Variants in CDCA7L observed in about 807,000 individuals in gnomAD.
CDCA7L encodes cell division cycle-associated 7-like protein.
Under a neutral mutation model 57.4 loss-of-function variants are expected in CDCA7L, and 44 were observed. The observed-to-expected ratio is 0.77, with a 90% CI of 0.60 to 0.98. CDCA7L has a LOEUF of 0.98. Among genes scored for constraint, CDCA7L ranks in the 50% least tolerant of loss-of-function variants. The pLI, the probability that CDCA7L is intolerant of heterozygous loss-of-function variation, is 0.00. For missense variants in CDCA7L, 644 were observed against 580.6 expected (o/e 1.11, Z -1.12); for synonymous variants, 236 against 202.8 (o/e 1.16, Z -1.39).
chr7:21,913,553 A>G (rs1350965207), intron 2 of CDCA7L, among the ~76,000 whole-genome samples: 1 of 152,206 alleles, frequency 6.6e-6, no homozygotes, highest in East Asian at 1.9e-4. Context: ...AAGGAAACCC[A>G]CCATGCACCT....
chr7:21,925,953 T>A (rs1040837812), intron 1 of CDCA7L, among the ~76,000 whole-genome samples: 3 of 151,822 alleles, frequency 2.0e-5, no homozygotes, highest in Non-Finnish European at 2.9e-5. Flanking sequence ...ATAATGGGAG[T>A]GACAGCCAGA....
chr7:21,932,421 C>G (rs555568942), intron 1 of CDCA7L, among the ~76,000 whole-genome samples: 1 of 152,272 alleles, frequency 6.6e-6, no homozygotes, highest in African/African-American at 2.4e-5. Flanking sequence ...GCTACAGTAA[C>G]CAAAACAGCA....
At chr7:21,925,153 TA>T (rs1193309669) in intron 1 of CDCA7L, among the ~76,000 whole-genome samples, 2 of 152,084 alleles carry the variant, frequency 1.3e-5, no homozygotes, top group Non-Finnish European at 2.9e-5. Flanking sequence ...GACAAATTAT[TA>T]AAATTGCTAA....
chr7:21,945,361 T>TAA (rs59715589), intron 1 of CDCA7L, among the ~76,000 whole-genome samples: 7,619 of 147,616 alleles, frequency 0.052, 683 homozygotes, highest in African/African-American at 0.17. Flanking sequence ...GATCGACTGT[T>TAA]AAAAAAAAAA....
rs1394295160 is a variant in CDCA7L at position 21,901,140 on chromosome 7, T to C, written c.*1182A>G. ...AAACCAAACAGACCTACGAGTGCCC[T>C]GTGTATAGAACCAAACTGAGAGGCC... On this transcript the variant is annotated 3_prime_UTR_variant, in exon 10 of 10. Transcript: ENST00000406877. The C allele has an allele frequency of 4.3e-6, 7 of 1,613,220 alleles. No individual in the cohort carries two copies. Among genetic ancestry groups the C allele is most frequent in the Non-Finnish European group, 5.1e-6 (6 of 1,179,352 alleles).
At chr7:21,941,085 T>C (rs953384947) in intron 1 of CDCA7L, among the ~76,000 whole-genome samples, 1 of 152,126 alleles carries the variant, frequency 6.6e-6, no homozygotes, top group Non-Finnish European at 1.5e-5. Flanking sequence ...CCATTGAAAA[T>C]CAGGCACATT....
chr7:21,945,040 G>T (rs1206529211), intron 1 of CDCA7L, among the ~76,000 whole-genome samples: 1 of 152,144 alleles, frequency 6.6e-6, no homozygotes, highest in African/African-American at 2.4e-5. Flanking sequence ...ATAACGTAGA[G>T]AAAAGCTCTT....
At chr7:21,937,227 C>T (rs1786198174) in intron 1 of CDCA7L, among the ~76,000 whole-genome samples, 1 of 152,184 alleles carries the variant, frequency 6.6e-6, no homozygotes. Context: ...AAGCTATGTA[C>T]AGACTCAATG....
intron 4 of CDCA7L, 21 bp downstream of exon 4, chr7:21,908,109 A>T: frequency 6.7e-7 from 1 of 1,499,654 alleles, no homozygotes. Context: ...AACTCCCAGG[A>T]CGCCCTCCGT....
At chr7:21,933,760 C>T (rs149195497) in intron 1 of CDCA7L, among the ~76,000 whole-genome samples, 2,288 of 151,830 alleles carry the variant, frequency 0.015, 65 homozygotes, top group African/African-American at 0.052. Flanking sequence ...ATGTAACAAA[C>T]CTGCACGTTC....
intron 1 of CDCA7L, among the ~76,000 whole-genome samples, chr7:21,922,501 T>C (rs947104523): frequency 3.3e-5 from 5 of 152,180 alleles, no homozygotes; most frequent in African/African-American, 1.2e-4. Flanking sequence ...AATCTGAGTG[T>C]TGGTAAGAAA....
chr7:21,919,788 C>T (rs928192193), intron 1 of CDCA7L, among the ~76,000 whole-genome samples: 3 of 152,218 alleles, frequency 2.0e-5, no homozygotes, highest in Middle Eastern at 3.4e-3. Context: ...GCCAAACTGA[C>T]GCCACCAATA....
intron 1 of CDCA7L, among the ~76,000 whole-genome samples, chr7:21,922,714 C>G (rs1182089749): frequency 6.6e-6 from 1 of 152,124 alleles, no homozygotes; most frequent in Non-Finnish European, 1.5e-5. Flanking sequence ...ATATCCTTTC[C>G]CTTATTCATG....
intron 1 of CDCA7L, among the ~76,000 whole-genome samples, chr7:21,933,152 C>T (rs1260982471): frequency 3.9e-5 from 6 of 152,036 alleles, no homozygotes; most frequent in Non-Finnish European, 8.8e-5. Flanking sequence ...CAGGAAACAA[C>T]AGATGCTGGA....
In CDCA7L at chr7:21,905,517, C is replaced by T; in HGVS notation, c.1036G>A (p.Asp346Asn). The change falls in exon 7 of 10, where the codon GAT becomes AAT. Residue 346 changes from aspartate to asparagine, a missense_variant. Coordinates refer to ENST00000406877, the MANE Select transcript of CDCA7L (RefSeq NM_018719.5). Reference protein sequence around the residue: ...VAITVRDKIYDKVLGNTCHQC... With the variant: ...VAITVRDKIYNKVLGNTCHQC... ...AATGTATACTTTACCAGAACTTTAT[C>T]ATAGATTTTATCTCGAACAGTTATG... is the stretch of plus-strand genomic sequence containing the variant. 1 of 1,613,800 alleles carries T rather than the reference C, an allele frequency of 6.2e-7. No individual in the cohort carries two copies. The highest frequency in any genetic ancestry group is 2.2e-5 in the East Asian group (1 of 44,876).
At chr7:21,923,448 G>A (rs568822675) in intron 1 of CDCA7L, among the ~76,000 whole-genome samples, 1 of 152,250 alleles carries the variant, frequency 6.6e-6, no homozygotes, top group South Asian at 2.1e-4. Flanking sequence ...AGTGAGCTAT[G>A]ATCATACCAC....
chr7:21,903,137 C>G, intron 8 of CDCA7L, 23 bp from the exon 9 acceptor site: 1 of 1,607,326 alleles, frequency 6.2e-7, no homozygotes, highest in Non-Finnish European at 8.5e-7. Context: ...TGACAGCAGA[C>G]ACTTCGCTCA....
In CDCA7L at chr7:21,927,872, G is replaced by A. The variant is rs549457244; in HGVS notation, c.25-10978C>T. Among the ~76,000 whole-genome samples the A allele has an allele frequency of 4.6e-5, 7 of 152,340 alleles. No homozygotes were observed. In the South Asian group the frequency reaches 6.2e-4, roughly 14 times the overall value. ...CTGGGACAGAGCACCTGGGAAAGGC[G>A]TGGCTGTGGGCCCAGCTTAAGCAGA... On this transcript the variant is annotated intron_variant, in intron 1 of 9. Coordinates refer to ENST00000406877, the MANE Select transcript of CDCA7L (RefSeq NM_018719.5).
At chr7:21,906,209 G>A in intron 6 of CDCA7L, 80 bp downstream of exon 6, 2 of 1,394,048 alleles carry the variant, frequency 1.4e-6, no homozygotes, top group Non-Finnish European at 2.0e-6. Flanking sequence ...AACCAGCCCT[G>A]GGGTGACAGT....
Sources: gnomAD v4.1 joint callset for allele counts (sites outside exome capture counted in the v4.1 genomes callset) on GRCh38, gnomAD v4.1.1 for gene constraint, MANE v1.5 for transcripts, NCBI Gene and HGNC (gene_info 2026-07-23, HGNC 2026-07-21) for gene names.